The following RNF170 variants were observed in gnomAD, a reference collection of about 807,000 sequenced individuals.
RNF170 encodes E3 ubiquitin-protein ligase RNF170.
Under a neutral mutation model 32.7 loss-of-function variants are expected in RNF170, and 12 were observed. The ratio of observed to expected loss-of-function variants is 0.37; its 90% CI spans 0.24 to 0.60. The LOEUF (loss-of-function observed/expected upper bound fraction) is 0.60, where lower values mean the gene tolerates loss of function less well. Ranked by LOEUF, RNF170 falls within the 20% of genes least tolerant of loss-of-function variation. The pLI is 0.72. For synonymous variants in RNF170, 91 were observed against 103.6 expected (o/e 0.88, Z 0.74); for missense variants, 212 against 311.2 (o/e 0.68, Z 2.40).
chr8:42,863,368 C>CTACT (rs1803802938), intron 5 of RNF170, among the ~76,000 whole-genome samples: 1 of 152,024 alleles, frequency 6.6e-6, no homozygotes, highest in African/African-American at 2.4e-5. Context: ...AATGTAAGAC[C>CTACT]TACTCCCTAG....
chr8:42,855,476 G>A lies in RNF170; in HGVS notation c.*683C>T, dbSNP rs953737921. Reference sequence around the variant, plus strand: ...TCTACCCGCCTCAGCCTCCCAAAGTGCTAGGATTACAGGCGTGAGCCACCC... The same window carrying A: ...TCTACCCGCCTCAGCCTCCCAAAGTACTAGGATTACAGGCGTGAGCCACCC... On this transcript the variant is annotated 3_prime_UTR_variant, in exon 7 of 7. Coordinates refer to ENST00000527424, the MANE Select transcript of RNF170 (RefSeq NM_030954.4). 30 of 1,109,894 alleles carry A rather than the reference G, an allele frequency of 2.7e-5. No individual in the cohort carries two copies. The African/African-American group carries it at 4.3e-4, about 16-fold the overall frequency. 68.8% of individuals were successfully genotyped at this position (1,109,894 alleles called of 1,614,324 possible).
intron 1 of RNF170, among the ~76,000 whole-genome samples, chr8:42,893,938 A>T (rs1325669392): frequency 6.6e-6 from 1 of 152,182 alleles, no homozygotes; most frequent in African/African-American, 2.4e-5. Context: ...GACAGCTAAG[A>T]CAAGTTCAAC....
chr8:42,879,976 A>G lies in RNF170; in HGVS notation c.138-5970T>C, dbSNP rs142798132. On this transcript the variant is annotated intron_variant, in intron 2 of 6. Coordinates refer to ENST00000527424, the MANE Select transcript of RNF170 (RefSeq NM_030954.4). ...AGGCATGAGCCACCATGCCCCACCA[A>G]AAACATTCTTAATTCATGGGAGGAG... is the stretch of plus-strand genomic sequence containing the variant. Among the ~76,000 whole-genome samples the G allele has an allele frequency of 7.9e-5, 12 of 152,270 alleles. No homozygotes were observed. The East Asian group carries it at 2.3e-3, about 29-fold the overall frequency.
Position 42,855,317 on chromosome 8 carries a change from T to C in RNF170, c.*842A>G, listed in dbSNP as rs1221404199. ...CAATCCACCTCCTGGGTTTACGCCA[T>C]TCTTCTGCCTCAGCCTCCCGAGTAG... On this transcript the variant is annotated 3_prime_UTR_variant, in exon 7 of 7. Transcript: ENST00000527424. 1 of 967,790 alleles carries C rather than the reference T, an allele frequency of 1.0e-6. No individual in the cohort carries two copies. The allele number at this position is 967,790 out of a possible 1,614,324, so 60.0% of individuals were successfully genotyped here.
At chr8:42,884,523 TTA>T (rs1007178515) in intron 2 of RNF170, among the ~76,000 whole-genome samples, 6 of 152,130 alleles carry the variant, frequency 3.9e-5, no homozygotes, top group Admixed American at 2.6e-4. Flanking sequence ...TTCAAGCATT[TTA>T]TATGATTTGT....
chr8:42,861,644 A>C, intron 6 of RNF170, 101 bp downstream of exon 6: 1 of 1,012,862 alleles, frequency 9.9e-7, no homozygotes, highest in Non-Finnish European at 1.5e-6. Context: ...TGCCTGGCCA[A>C]GATTTCTCAT....
chr8:42,883,181 A>G (rs567414954), intron 2 of RNF170, among the ~76,000 whole-genome samples: 1 of 152,128 alleles, frequency 6.6e-6, no homozygotes, highest in South Asian at 2.1e-4. Context: ...AAGGGTTGAA[A>G]TACTACCTAT....
intron 6 of RNF170, among the ~76,000 whole-genome samples, chr8:42,859,404 G>A (rs1252083572): frequency 6.6e-6 from 1 of 152,042 alleles, no homozygotes; most frequent in African/African-American, 2.4e-5. Flanking sequence ...GGCAGTCTGA[G>A]GGGGTGGATT....
rs1010916675 is a variant in RNF170 at position 42,854,455 on chromosome 8, A to G, written c.*1704T>C. ...AGTTGGTGTCCTGCGTTCCTCACAA[A>G]ATTATCCAAAGGATAAAATGAAAAG... On this transcript the variant is annotated 3_prime_UTR_variant, in exon 7 of 7. Coordinates refer to ENST00000527424, the MANE Select transcript of RNF170 (RefSeq NM_030954.4). 5 of 1,287,044 alleles carry G rather than the reference A, an allele frequency of 3.9e-6. No individual in the cohort carries two copies. In the African/African-American group the frequency reaches 4.6e-5, roughly 12 times the overall value. The allele number at this position is 1,287,044 out of a possible 1,614,324, so 79.7% of individuals were successfully genotyped here. A position where few individuals can be genotyped will look rare whatever the true frequency, so the allele number is the denominator to read the frequency against.
In RNF170 at chr8:42,854,772, C is replaced by A. The variant is rs564890145; in HGVS notation, c.*1387G>T. The A allele has an allele frequency of 1.6e-6, 2 of 1,287,446 alleles. No individual in the cohort carries two copies. Among genetic ancestry groups the A allele is most frequent in the African/African-American group, 3.0e-5 (2 of 65,910 alleles). The allele number at this position is 1,287,446 out of a possible 1,614,324, so 79.8% of individuals were successfully genotyped here. A position where few individuals can be genotyped will look rare whatever the true frequency, so the allele number is the denominator to read the frequency against. On this transcript the variant is annotated 3_prime_UTR_variant, in exon 7 of 7. Transcript: ENST00000527424. ...CTGACTCCTGGGCATCCCCTCACAT[C>A]CTGCTGTCATACATTCACTAATGAG...
intron 4 of RNF170, among the ~76,000 whole-genome samples, chr8:42,866,584 G>GAA (rs75722937): frequency 1.5e-4 from 17 of 111,244 alleles, no homozygotes; most frequent in East Asian, 2.6e-4. Context: ...CTCCGTCTCA[G>GAA]AAAAAAAAAA....
At chr8:42,888,660 A>C (rs1806037642) in intron 1 of RNF170, among the ~76,000 whole-genome samples, 1 of 152,062 alleles carries the variant, frequency 6.6e-6, no homozygotes, top group Admixed American at 6.6e-5. Context: ...CTGGAGGCTA[A>C]GGCAGGAGAA....
At chr8:42,897,171 G>C (rs551581089), upstream of RNF170, 17 of 1,248,690 alleles carry the variant, frequency 1.4e-5, no homozygotes, top group South Asian at 6.0e-4. Context: ...GGAGCTGTGC[G>C]AGAGCCTCCT....
intron 3 of RNF170, among the ~76,000 whole-genome samples, chr8:42,870,581 G>T (rs1488148967): frequency 1.3e-5 from 2 of 151,998 alleles, no homozygotes; most frequent in African/African-American, 2.4e-5. Context: ...AGAAAAATTA[G>T]CCAGGAGTGG....
At chr8:42,887,355 A>G (rs777377655) in intron 2 of RNF170, among the ~76,000 whole-genome samples, 5 of 152,210 alleles carry the variant, frequency 3.3e-5, no homozygotes, top group Non-Finnish European at 7.3e-5. Context: ...CCTTTTTACT[A>G]TACAAGTCTT....
chr8:42,895,139 A>AC (rs1183723594), intron 1 of RNF170, among the ~76,000 whole-genome samples: 3 of 151,542 alleles, frequency 2.0e-5, no homozygotes, highest in Non-Finnish European at 4.4e-5. Context: ...ACATAGCGAG[A>AC]CCCCCTCTCT....
At chr8:42,863,590 C>T (rs7008140) in intron 5 of RNF170, among the ~76,000 whole-genome samples, 4,303 of 152,182 alleles carry the variant, frequency 0.028, 86 homozygotes, top group African/African-American at 0.05. Context: ...TACAGGTGTG[C>T]GCCACCATGC....
intron 1 of RNF170, chr8:42,896,125 G>A (rs925139063): frequency 7.1e-5 from 15 of 211,226 alleles, no homozygotes; most frequent in Middle Eastern, 9.3e-4. Context: ...ACGCAGGCCC[G>A]GGGTCGGCCG....
Position 42,853,401 on chromosome 8 carries a change from T to C in RNF170, c.*2758A>G. 1 of 1,286,716 alleles carries C rather than the reference T, an allele frequency of 7.8e-7. No homozygotes were observed. The highest frequency in any genetic ancestry group is 1.0e-6 in the Non-Finnish European group (1 of 988,382). The allele number at this position is 1,286,716 out of a possible 1,614,324, so 79.7% of individuals were successfully genotyped here. A position where few individuals can be genotyped will look rare whatever the true frequency, so the allele number is the denominator to read the frequency against. ...CCACCAGTCTTCTACAACAACTCTG[T>C]GAGGTAGGTATCTGCATAGCCACAA... On this transcript the variant is annotated 3_prime_UTR_variant, in exon 7 of 7. Transcript: ENST00000527424.
Sources: allele counts gnomAD v4.1 joint callset (sites outside exome capture counted in the v4.1 genomes callset), GRCh38; gene constraint gnomAD v4.1.1; transcripts MANE v1.5; gene names NCBI Gene and HGNC (gene_info 2026-07-23, HGNC 2026-07-21).